STARD13: variants seen among roughly 807,000 people sequenced by gnomAD.
The protein encoded by STARD13 is StAR related lipid transfer domain containing 13, also known as stAR-related lipid transfer protein 13.
A neutral mutation model predicts 106.4 loss-of-function variants in STARD13; 62 were observed. That is an observed-to-expected ratio of 0.58 (90% CI 0.48 to 0.72). The LOEUF (loss-of-function observed/expected upper bound fraction) is 0.72. Ranked by LOEUF, STARD13 falls within the 30% of genes least tolerant of loss-of-function variation. The probability of loss-of-function intolerance (pLI) is 0.00; values close to 1 mark genes in which losing one functional copy is unlikely to be tolerated. For missense variants in STARD13, 1,387 were observed against 1,424.0 expected (o/e 0.97, Z 0.42); for synonymous variants, 565 against 553.0 (o/e 1.02, Z -0.31).
chr13:33,128,064 C>T (rs552384912), intron 5 of STARD13, among the ~76,000 whole-genome samples: 1 of 151,740 alleles, frequency 6.6e-6, no homozygotes, highest in South Asian at 2.1e-4. Context: ...GATGGAGAGA[C>T]AGACAGAGAC....
chr13:33,519,216 C>CTT, the STARD13 span, among the ~76,000 whole-genome samples: 2 of 106,928 alleles, frequency 1.9e-5, no homozygotes, highest in East Asian at 6.1e-4. Context: ...TTTTTTCTTT[C>CTT]TTTCTTTCTT....
the STARD13 span, among the ~76,000 whole-genome samples, chr13:33,408,850 C>T: frequency 5.7e-4 from 86 of 152,082 alleles, no homozygotes; most frequent in African/African-American, 1.9e-3. Context: ...AGTGATGTTC[C>T]CTCTGCTTTG....
At chr13:33,611,286 C>T in the STARD13 span, 2 of 152,244 alleles carry the variant, frequency 1.3e-5, no homozygotes, top group Non-Finnish European at 2.9e-5. Context: ...CGCTCCCTCT[C>T]CCCCAGAATC....
the STARD13 span, among the ~76,000 whole-genome samples, chr13:33,565,620 C>G: frequency 4.1e-5 from 6 of 147,798 alleles, no homozygotes; most frequent in Non-Finnish European, 3.0e-5. Context: ...ATAATTTGGG[C>G]CTTCTAATCC....
At chr13:33,307,960 G>T (rs969375235) in intron 1 of STARD13, among the ~76,000 whole-genome samples, 1 of 152,044 alleles carries the variant, frequency 6.6e-6, no homozygotes, top group Non-Finnish European at 1.5e-5. Context: ...TTTATCAAAG[G>T]GATCATTATT....
chr13:33,346,469 A>G (rs114564650), downstream of STARD13, among the ~76,000 whole-genome samples: 2,251 of 152,252 alleles, frequency 0.015, 62 homozygotes, highest in African/African-American at 0.05. Context: ...CTTTTTGTCT[A>G]TCTGTTCAGT....
the STARD13 span, among the ~76,000 whole-genome samples, chr13:33,395,785 T>C: frequency 4.3e-3 from 649 of 152,360 alleles, 1 homozygote; most frequent in Middle Eastern, 0.014. Flanking sequence ...TTAATAAAGA[T>C]GGAAAGTCCT....
intron 3 of STARD13, among the ~76,000 whole-genome samples, chr13:33,148,757 C>T (rs926208288): frequency 3.3e-5 from 5 of 152,214 alleles, no homozygotes; most frequent in African/African-American, 1.2e-4. Flanking sequence ...CATCCACATG[C>T]AAACCTGCAC....
At chr13:33,504,644 T>C in the STARD13 span, among the ~76,000 whole-genome samples, 6 of 150,618 alleles carry the variant, frequency 4.0e-5, no homozygotes, top group Non-Finnish European at 8.9e-5. Flanking sequence ...TTAGGAGATA[T>C]ACCTAACGTA....
chr13:33,283,782 C>T (rs899920903), intron 1 of STARD13, among the ~76,000 whole-genome samples: 1 of 152,276 alleles, frequency 6.6e-6, no homozygotes, highest in East Asian at 1.9e-4. Context: ...GTCTGTGTGA[C>T]AGGGCACGTT....
At chr13:33,443,455 C>T in the STARD13 span, among the ~76,000 whole-genome samples, 4 of 37,474 alleles carry the variant, frequency 1.1e-4, no homozygotes, top group Non-Finnish European at 1.4e-4. Flanking sequence ...AAGGGTCCCC[C>T]CCCCAAAAAA....
In STARD13 at chr13:33,198,729, T is replaced by C. The variant is rs557603178; in HGVS notation, c.170-31107A>G. Among the ~76,000 whole-genome samples the C allele has an allele frequency of 5.3e-5, 8 of 152,272 alleles. No homozygotes were observed. The East Asian group carries it at 1.2e-3, about 22-fold the overall frequency. Reference sequence around the variant, plus strand: ...ATTCCTGTGCCTCTATAGTCTAAAATTGGGCCTAGCACACAGTAGATATCT... The same window carrying C: ...ATTCCTGTGCCTCTATAGTCTAAAACTGGGCCTAGCACACAGTAGATATCT... On this transcript the variant is annotated intron_variant, in intron 1 of 13. Coordinates refer to ENST00000336934, the MANE Select transcript of STARD13 (RefSeq NM_178006.4).
intron 1 of STARD13, among the ~76,000 whole-genome samples, chr13:33,330,943 A>G (rs2077829139): frequency 6.6e-6 from 1 of 152,238 alleles, no homozygotes; most frequent in Non-Finnish European, 1.5e-5. Flanking sequence ...ATTATGCTAT[A>G]AAGTTGTAGA....
At chr13:33,510,324 G>T in the STARD13 span, among the ~76,000 whole-genome samples, 8 of 152,154 alleles carry the variant, frequency 5.3e-5, no homozygotes, top group Non-Finnish European at 7.4e-5. Context: ...AGGTATATTT[G>T]CAAGGGCCAC....
At chr13:33,415,765 A>C in the STARD13 span, among the ~76,000 whole-genome samples, 4 of 152,218 alleles carry the variant, frequency 2.6e-5, no homozygotes, top group African/African-American at 9.6e-5. Flanking sequence ...TTTGCAACTA[A>C]AACATCCTTA....
the STARD13 span, among the ~76,000 whole-genome samples, chr13:33,588,170 T>G: frequency 6.6e-6 from 1 of 152,208 alleles, no homozygotes; most frequent in African/African-American, 2.4e-5. Flanking sequence ...GGCTTGTATC[T>G]CATTCCTCAT....
chr13:33,138,486 C>G (rs556428834), intron 4 of STARD13: 2 of 148,626 alleles, frequency 1.3e-5, no homozygotes, highest in African/African-American at 5.0e-5. Context: ...CAGATGCCAA[C>G]CAGACATTCC....
At chr13:33,586,936 G>A in the STARD13 span, among the ~76,000 whole-genome samples, 20 of 152,254 alleles carry the variant, frequency 1.3e-4, no homozygotes, top group African/African-American at 4.6e-4. Context: ...CTAGTTGGCC[G>A]AGCACGGTGG....
intron 1 of STARD13, among the ~76,000 whole-genome samples, chr13:33,325,844 G>C (rs942024288): frequency 6.6e-6 from 1 of 151,988 alleles, no homozygotes; most frequent in Non-Finnish European, 1.5e-5. Context: ...AATTAGCCGG[G>C]CATGGTGGCG....
Sources: gnomAD v4.1 joint callset for allele counts (sites outside exome capture counted in the v4.1 genomes callset) on GRCh38, gnomAD v4.1.1 for gene constraint, MANE v1.5 for transcripts, NCBI Gene and HGNC (gene_info 2026-07-23, HGNC 2026-07-21) for gene names.